Variants in NIPA1 observed in about 807,000 individuals in gnomAD.
The protein encoded by NIPA1 is NIPA magnesium transporter 1.
NIPA1 carries 13 observed loss-of-function variants against 23.9 expected under a neutral mutation model. That is an observed-to-expected ratio of 0.54 (90% CI 0.35 to 0.87). The LOEUF (loss-of-function observed/expected upper bound fraction) is 0.87, where lower values mean the gene tolerates loss of function less well. Among genes scored for constraint, NIPA1 ranks in the 40% least tolerant of loss-of-function variants. NIPA1 has a pLI of 0.01. For missense variants in NIPA1, 362 were observed against 429.7 expected, an observed-to-expected ratio of 0.84 and a Z score of 1.39; for synonymous variants, 234 against 202.9, an observed-to-expected ratio of 1.15 and a Z score of -1.30.
At chr15:22,814,467 C>A (rs1895377512) in intron 3 of NIPA1, among the ~76,000 whole-genome samples, 1 of 152,046 alleles carries the variant, frequency 6.6e-6, no homozygotes, top group African/African-American at 2.4e-5. Context: ...TCCCAGAGTG[C>A]TGGGATTACA....
At chr15:22,803,195 G>C in intron 1 of NIPA1, among the ~76,000 whole-genome samples, 1 of 152,112 alleles carries the variant, frequency 6.6e-6, no homozygotes, top group African/African-American at 2.4e-5. Context: ...GACCGCGGGT[G>C]ATCCACTCAC....
At chr15:22,807,540 C>T (rs1041981661) in intron 1 of NIPA1, among the ~76,000 whole-genome samples, 7 of 151,858 alleles carry the variant, frequency 4.6e-5, no homozygotes, top group Non-Finnish European at 8.8e-5. Context: ...AACTGAGAGA[C>T]CATGCCACTA....
chr15:22,813,959 C>T, intron 3 of NIPA1: 1 of 441,270 alleles, frequency 2.3e-6, no homozygotes, highest in Non-Finnish European at 4.6e-6. Flanking sequence ...GTGATCTTGG[C>T]ACGTGGCACA....
At chr15:22,821,783 T>C (rs551503273) in intron 4 of NIPA1, among the ~76,000 whole-genome samples, 1 of 152,226 alleles carries the variant, frequency 6.6e-6, no homozygotes, top group South Asian at 2.1e-4. Flanking sequence ...CACTTGCTGG[T>C]TTGCATAGCC....
In NIPA1 at chr15:22,800,398, G is replaced by C. The variant is rs57681957; in HGVS notation, c.179-10351G>C. Among the ~76,000 whole-genome samples, 605 of 152,212 alleles carry C rather than the reference G, an allele frequency of 4.0e-3. 6 individuals carry two copies. The highest frequency in any genetic ancestry group is 0.014 in the African/African-American group (574 of 41,528). ...ATGTCTGGTTAGTGTTTAAATTTCT[G>C]TGATTATCTTGCAAGTTTTGCCCAG... On this transcript the variant is annotated intron_variant, in intron 1 of 4. Coordinates refer to ENST00000337435, the MANE Select transcript of NIPA1 (RefSeq NM_144599.5).
At chr15:22,803,870 G>A (rs1453781454) in intron 1 of NIPA1, among the ~76,000 whole-genome samples, 4 of 151,588 alleles carry the variant, frequency 2.6e-5, no homozygotes, top group East Asian at 1.9e-4. Flanking sequence ...TAGTAGAGAC[G>A]GGGTTTCACT....
chr15:22,804,566 T>C (rs767172919), intron 1 of NIPA1, among the ~76,000 whole-genome samples: 1 of 152,150 alleles, frequency 6.6e-6, no homozygotes, highest in Non-Finnish European at 1.5e-5. Context: ...TTGTGTGTTC[T>C]TAGAGCTTCA....
In NIPA1 at chr15:22,810,290, G is replaced by T. The variant is rs116641855; in HGVS notation, c.179-459G>T. ...TTCCCGCATGGCTGAAAGAAGAGTC[G>T]TATCAGAAGAGTTATAAATAATGAA... is the stretch of plus-strand genomic sequence containing the variant. On this transcript the variant is annotated intron_variant, in intron 1 of 4. Coordinates refer to ENST00000337435, the MANE Select transcript of NIPA1 (RefSeq NM_144599.5). 2.4e-3 allele frequency among the ~76,000 whole-genome samples: 364 copies of T among 152,224 alleles called. 3 individuals carry two copies. Among genetic ancestry groups the T allele is most frequent in the African/African-American group, 8.1e-3 (338 of 41,530 alleles).
At position 22,812,556 on chromosome 15, in the gene NIPA1, G is replaced by C. The variant is rs530159020; in HGVS notation, c.317+303G>C. 7.8e-4 allele frequency among the ~76,000 whole-genome samples: 119 copies of C among 151,886 alleles called. 1 individual carries two copies. Among genetic ancestry groups the C allele is most frequent in the Non-Finnish European group, 1.4e-3 (92 of 67,958 alleles). On this transcript the variant is annotated intron_variant, in intron 3 of 4. Transcript: ENST00000337435. ...TAGTCCTAGCTACTCGGGAGGGTGA[G>C]ACACAAGAATTGCTTGAACCTGGGG...
At chr15:22,808,813 G>T (rs1359063158) in intron 1 of NIPA1, among the ~76,000 whole-genome samples, 1 of 151,628 alleles carries the variant, frequency 6.6e-6, no homozygotes, top group Non-Finnish European at 1.5e-5. Flanking sequence ...GGGACCACAG[G>T]CATGCACCAC....
intron 1 of NIPA1, among the ~76,000 whole-genome samples, chr15:22,800,930 C>CA (rs1243873890): frequency 2.0e-4 from 14 of 68,824 alleles, no homozygotes; most frequent in Middle Eastern, 6.3e-3. Flanking sequence ...GACTCCGTCT[C>CA]AAAAAAAAAA....
intron 1 of NIPA1, among the ~76,000 whole-genome samples, chr15:22,803,958 C>T (rs1486194771): frequency 1.1e-4 from 17 of 150,468 alleles, no homozygotes; most frequent in Non-Finnish European, 2.2e-4. Flanking sequence ...GGATCACAGG[C>T]GTGAGCCACC....
intron 1 of NIPA1, among the ~76,000 whole-genome samples, chr15:22,787,344 C>T (rs1390553373): frequency 2.0e-5 from 3 of 152,194 alleles, no homozygotes; most frequent in Non-Finnish European, 4.4e-5. Flanking sequence ...GATTTCCAGT[C>T]CCCCGCAGGG....
intron 1 of NIPA1, among the ~76,000 whole-genome samples, chr15:22,792,416 T>C (rs1042524272): frequency 3.9e-5 from 6 of 151,924 alleles, no homozygotes; most frequent in Admixed American, 2.6e-4. Flanking sequence ...TGGAGTGCAG[T>C]GGCATGATCT....
chr15:22,804,676 G>T, intron 1 of NIPA1, among the ~76,000 whole-genome samples: 1 of 152,074 alleles, frequency 6.6e-6, no homozygotes, highest in Non-Finnish European at 1.5e-5. Context: ...ACATCCAGTT[G>T]GTCCAGCACC....
intron 1 of NIPA1, among the ~76,000 whole-genome samples, chr15:22,807,504 G>A (rs997166731): frequency 2.6e-5 from 4 of 152,062 alleles, no homozygotes; most frequent in Admixed American, 6.6e-5. Context: ...AGAATCACTT[G>A]AACCTGGGAG....
chr15:22,798,408 T>G (rs1017637155), intron 1 of NIPA1, among the ~76,000 whole-genome samples: 2 of 149,438 alleles, frequency 1.3e-5, no homozygotes, highest in Non-Finnish European at 3.0e-5. Flanking sequence ...CCCAGCTAAT[T>G]TTTTGTATTT....
In NIPA1 at chr15:22,786,655, G is replaced by T. The variant is rs1339321677; in HGVS notation, c.-2G>T. On this transcript the variant is annotated 5_prime_UTR_variant, in exon 1 of 5. Transcript: ENST00000337435. ...CAGGCTCGGAGGGCGGGCGCGGGCG[G>T]AATGGGGACTGCAGCTGCGGCAGCG... is the stretch of plus-strand genomic sequence containing the variant. 3.8e-6 allele frequency: 4 copies of T among 1,052,596 alleles called. No homozygotes were observed. Among genetic ancestry groups the T allele is most frequent in the Non-Finnish European group, 4.6e-6 (4 of 870,598 alleles). 65.2% of individuals were successfully genotyped at this position (1,052,596 alleles called of 1,614,324 possible). A position where few individuals can be genotyped will look rare whatever the true frequency, so the allele number is the denominator to read the frequency against.
In NIPA1 at chr15:22,789,871, T is replaced by C. The variant is rs187616564; in HGVS notation, c.178+3037T>C. On this transcript the variant is annotated intron_variant, in intron 1 of 4. Transcript: ENST00000337435. ...GTGCAGTGGCGCGATCTTGGCTCAT[T>C]GCAGCCCCCGCCTCCTAGGCTCAAG... 3.2e-3 allele frequency among the ~76,000 whole-genome samples: 494 copies of C among 152,078 alleles called. 7 individuals carry two copies. The highest frequency in any genetic ancestry group is 0.012 in the African/African-American group (479 of 41,456).
Sources: gnomAD v4.1 joint callset for allele counts (sites outside exome capture counted in the v4.1 genomes callset) on GRCh38, gnomAD v4.1.1 for gene constraint, MANE v1.5 for transcripts, NCBI Gene and HGNC (gene_info 2026-07-23, HGNC 2026-07-21) for gene names.